The following ZSCAN5A variants were observed in gnomAD, a reference collection of about 807,000 sequenced individuals.
ZSCAN5A encodes the protein zinc finger and SCAN domain-containing protein 5A.
ZSCAN5A carries 12 observed loss-of-function variants against 23.7 expected under a neutral mutation model. That is an observed-to-expected ratio of 0.51 (90% confidence interval 0.32 to 0.82). The LOEUF is 0.82. ZSCAN5A is among the 40% of genes least tolerant of loss of function. The probability of loss-of-function intolerance (pLI) is 0.03; values close to 1 mark genes in which losing one functional copy is unlikely to be tolerated. For synonymous variants in ZSCAN5A, 257 were observed against 239.9 expected, an observed-to-expected ratio of 1.07 and a Z score of -0.66; for missense variants, 597 against 617.9, an observed-to-expected ratio of 0.97 and a Z score of 0.36.
intron 2 of ZSCAN5A, among the ~76,000 whole-genome samples, chr19:56,234,939 G>T (rs113178057): frequency 2.6e-4 from 39 of 152,234 alleles, no homozygotes; most frequent in African/African-American, 9.4e-4. Context: ...GGGTAACCAG[G>T]GGTTAAGGTA....
chr19:56,327,736 C>T (rs2041448512), intron 2 of ZSCAN5A, among the ~76,000 whole-genome samples: 1 of 151,392 alleles, frequency 6.6e-6, no homozygotes, highest in Admixed American at 6.6e-5. Context: ...TTCAATTTTA[C>T]ACATCTACTA....
intron 2 of ZSCAN5A, among the ~76,000 whole-genome samples, chr19:56,258,406 G>A (rs979756536): frequency 2.0e-5 from 3 of 150,236 alleles, no homozygotes; most frequent in Non-Finnish European, 2.9e-5. Context: ...ACGCCTTCCA[G>A]TGTGGGGGTG....
intron 2 of ZSCAN5A, among the ~76,000 whole-genome samples, chr19:56,276,506 CTT>C (rs3059506): frequency 2.1e-5 from 3 of 139,726 alleles, no homozygotes; most frequent in African/African-American, 5.2e-5. Context: ...CTAAAGAGCT[CTT>C]TTTTTTTTTT....
At chr19:56,295,697 C>T (rs1230257164) in intron 2 of ZSCAN5A, 3 of 152,426 alleles carry the variant, frequency 2.0e-5, no homozygotes, top group African/African-American at 7.2e-5. Context: ...TCCTGCAAGT[C>T]ACTGCACGTC....
chr19:56,336,869 G>A (rs896920794), intron 2 of ZSCAN5A, among the ~76,000 whole-genome samples: 2 of 152,222 alleles, frequency 1.3e-5, no homozygotes, highest in African/African-American at 2.4e-5. Flanking sequence ...GTTTGCCTGG[G>A]TATCAGCAGC....
intron 2 of ZSCAN5A, among the ~76,000 whole-genome samples, chr19:56,299,170 T>G (rs1600225431): frequency 6.6e-6 from 1 of 152,160 alleles, no homozygotes; most frequent in South Asian, 2.1e-4. Context: ...CTAGCTTTGT[T>G]GCCCAGGCTG....
At chr19:56,242,186 C>G (rs923239568) in intron 2 of ZSCAN5A, among the ~76,000 whole-genome samples, 6 of 152,148 alleles carry the variant, frequency 3.9e-5, no homozygotes, top group Non-Finnish European at 8.8e-5. Context: ...TCCCCCGAAT[C>G]CTCACCAACA....
At chr19:56,358,783 C>T (rs967878556) in intron 2 of ZSCAN5A, among the ~76,000 whole-genome samples, 4 of 152,152 alleles carry the variant, frequency 2.6e-5, no homozygotes, top group Admixed American at 6.5e-5. Context: ...CTCAAAAACA[C>T]GTAACTACAT....
intron 2 of ZSCAN5A, among the ~76,000 whole-genome samples, chr19:56,301,252 A>AAT (rs2040208708): frequency 2.0e-5 from 3 of 152,168 alleles, no homozygotes; most frequent in Non-Finnish European, 4.4e-5. Flanking sequence ...TTATTTCCTG[A>AAT]ATATATGATA....
At chr19:56,275,444 G>A (rs117991821) in intron 2 of ZSCAN5A, among the ~76,000 whole-genome samples, 313 of 152,138 alleles carry the variant, frequency 2.1e-3, no homozygotes, top group Middle Eastern at 6.8e-3. Context: ...GATATTTATC[G>A]TATTGGTTGG....
rs1271396775 is a variant in ZSCAN5A, at chr19:56,351,037, G to T, written c.-358+12198C>A. 6.6e-6 allele frequency among the ~76,000 whole-genome samples: 1 copy of T among 151,706 alleles called. No homozygotes were observed. The highest frequency in any genetic ancestry group is 6.6e-5 in the Admixed American group (1 of 15,212). On this transcript the variant is annotated intron_variant, in intron 2 of 6. Transcript: ENST00000587340. The surrounding 1 kb of genome is among the most constrained non-coding windows in gnomAD (Gnocchi z 4.8). ...CTTTTCAGCAGACAGTACCCAGAAA[G>T]AATCATCATCTAACACCCCCTAACA... is the stretch of plus-strand genomic sequence containing the variant.
chr19:56,299,174 C>T (rs1462447746), intron 2 of ZSCAN5A, among the ~76,000 whole-genome samples: 2 of 151,970 alleles, frequency 1.3e-5, no homozygotes, highest in African/African-American at 4.8e-5. Context: ...CTTTGTTGCC[C>T]AGGCTGGAGT....
At chr19:56,300,061 A>G (rs2040129969) in intron 2 of ZSCAN5A, 1 of 152,230 alleles carries the variant, frequency 6.6e-6, no homozygotes, top group South Asian at 2.1e-4. Flanking sequence ...TTGGGAGGGT[A>G]TATCTGAGAG....
chr19:56,359,036 A>C (rs934521413), intron 2 of ZSCAN5A, among the ~76,000 whole-genome samples: 1 of 152,180 alleles, frequency 6.6e-6, no homozygotes, highest in African/African-American at 2.4e-5. Context: ...AGAGCAAATA[A>C]ATTTCAGAGT....
At chr19:56,238,319 G>A (rs1306624211) in intron 2 of ZSCAN5A, among the ~76,000 whole-genome samples, 8 of 152,052 alleles carry the variant, frequency 5.3e-5, no homozygotes, top group African/African-American at 1.7e-4. Flanking sequence ...GTGAGTTGAC[G>A]AATACATTAA....
chr19:56,242,839 C>T (rs867016829), intron 2 of ZSCAN5A, among the ~76,000 whole-genome samples: 2 of 152,206 alleles, frequency 1.3e-5, no homozygotes, highest in South Asian at 2.1e-4. Context: ...AGTGCAATGG[C>T]GTGATGTCGG....
chr19:56,368,019 T>C (rs1204191861), intron 1 of ZSCAN5A: 1 of 152,304 alleles, frequency 6.6e-6, no homozygotes, highest in Admixed American at 6.5e-5. Context: ...AACCTGGTAC[T>C]GATATACGCT....
intron 2 of ZSCAN5A, among the ~76,000 whole-genome samples, chr19:56,323,665 T>C (rs2041404665): frequency 6.6e-6 from 1 of 151,696 alleles, no homozygotes; most frequent in Non-Finnish European, 1.5e-5. Flanking sequence ...GCCTCCCAAG[T>C]AGCTGGGAGT....
At chr19:56,331,576 TTC>T (rs2041489498) in intron 2 of ZSCAN5A, among the ~76,000 whole-genome samples, 3 of 135,168 alleles carry the variant, frequency 2.2e-5, no homozygotes, top group African/African-American at 9.0e-5. Flanking sequence ...TGGAATTGCA[TTC>T]TTTTTTTTTT....
Sources: allele counts gnomAD v4.1 joint callset (sites outside exome capture counted in the v4.1 genomes callset), GRCh38; gene constraint gnomAD v4.1.1; non-coding constraint Gnocchi (gnomAD v3.1); transcripts MANE v1.5; gene names NCBI Gene and HGNC (gene_info 2026-07-23, HGNC 2026-07-21).